ST6GALNAC3: variants seen among roughly 807,000 people sequenced by gnomAD.
ST6GALNAC3 encodes ST6 N-acetylgalactosaminide alpha-2,6-sialyltransferase 3, also known as alpha-N-acetylgalactosaminide alpha-2,6-sialyltransferase 3.
A neutral mutation model predicts 32.7 loss-of-function variants in ST6GALNAC3; 25 were observed. The ratio of observed to expected loss-of-function variants is 0.76; its 90% confidence interval spans 0.56 to 1.07. The LOEUF (loss-of-function observed/expected upper bound fraction) is 1.07. Among genes scored for constraint, ST6GALNAC3 ranks in the 50% least tolerant of loss-of-function variants. ST6GALNAC3 has a pLI of 0.00. For missense variants in ST6GALNAC3, 355 were observed against 382.4 expected (o/e 0.93, Z 0.60); for synonymous variants, 129 against 133.1 (o/e 0.97, Z 0.21).
intron 3 of ST6GALNAC3, among the ~76,000 whole-genome samples, chr1:76,417,240 A>G (rs962652730): frequency 7.3e-6 from 1 of 136,602 alleles, no homozygotes; most frequent in Non-Finnish European, 1.6e-5. Flanking sequence ...TTTTTTTTTA[A>G]TTCTAGGTTC....
intron 1 of ST6GALNAC3, among the ~76,000 whole-genome samples, chr1:76,279,691 A>G (rs867343172): frequency 2.0e-5 from 3 of 152,168 alleles, no homozygotes; most frequent in Non-Finnish European, 2.9e-5. Flanking sequence ...CATGGTAGCC[A>G]CTTCGTCAGG....
chr1:76,368,383 T>A (rs1209603872), intron 2 of ST6GALNAC3, among the ~76,000 whole-genome samples: 4 of 152,216 alleles, frequency 2.6e-5, no homozygotes, highest in Non-Finnish European at 4.4e-5. Flanking sequence ...GAAACATTCC[T>A]CCTTCATCTC....
intron 2 of ST6GALNAC3, among the ~76,000 whole-genome samples, chr1:76,363,987 T>A (rs1046024145): frequency 2.6e-5 from 4 of 152,172 alleles, no homozygotes; most frequent in Admixed American, 6.5e-5. Flanking sequence ...GGGATTACAA[T>A]TCAACATGAG....
intron 3 of ST6GALNAC3, among the ~76,000 whole-genome samples, chr1:76,558,378 G>A (rs1055779878): frequency 6.6e-6 from 1 of 152,082 alleles, no homozygotes; most frequent in African/African-American, 2.4e-5. Context: ...TAAAGAAAAT[G>A]TACATATACA....
intron 3 of ST6GALNAC3, among the ~76,000 whole-genome samples, chr1:76,561,667 G>T (rs548610879): frequency 4.6e-5 from 7 of 152,160 alleles, no homozygotes; most frequent in Non-Finnish European, 1.0e-4. Flanking sequence ...ATACACTGCT[G>T]ATAGGGAATC....
intron 3 of ST6GALNAC3, among the ~76,000 whole-genome samples, chr1:76,483,193 A>G (rs971609895): frequency 3.3e-5 from 5 of 152,152 alleles, no homozygotes; most frequent in African/African-American, 1.2e-4. Context: ...ATACGTGTGC[A>G]TGTGTCTTTA....
chr1:76,384,507 A>G (rs1234931274), intron 2 of ST6GALNAC3, among the ~76,000 whole-genome samples: 2 of 152,198 alleles, frequency 1.3e-5, no homozygotes, highest in Non-Finnish European at 2.9e-5. Flanking sequence ...GTGAAGATTT[A>G]GTAGATTTGA....
At chr1:76,166,216 T>C (rs764489760) in intron 1 of ST6GALNAC3, among the ~76,000 whole-genome samples, 1 of 152,206 alleles carries the variant, frequency 6.6e-6, no homozygotes, top group East Asian at 1.9e-4. Context: ...TTAAGTATTC[T>C]GCTTGTGGCT....
chr1:76,150,935 T>A (rs1651001844), intron 1 of ST6GALNAC3, among the ~76,000 whole-genome samples: 1 of 152,160 alleles, frequency 6.6e-6, no homozygotes, highest in African/African-American at 2.4e-5. Context: ...TGTACCATTG[T>A]TAGTAGCCAG....
intron 1 of ST6GALNAC3, among the ~76,000 whole-genome samples, chr1:76,123,348 C>T: frequency 6.8e-6 from 1 of 147,456 alleles, no homozygotes; most frequent in Non-Finnish European, 1.5e-5. Flanking sequence ...CATTGCACTC[C>T]AGCCTGGGTG....
intron 3 of ST6GALNAC3, among the ~76,000 whole-genome samples, chr1:76,532,185 TAGCTACGTA>T (rs1663301626): frequency 6.6e-6 from 1 of 152,182 alleles, no homozygotes; most frequent in Non-Finnish European, 1.5e-5. Context: ...GAAATCTTTA[TAGCTACGTA>T]GGAAACTTGA....
intron 1 of ST6GALNAC3, among the ~76,000 whole-genome samples, chr1:76,197,550 C>T (rs778812138): frequency 4.6e-5 from 7 of 152,082 alleles, no homozygotes; most frequent in South Asian, 2.1e-4. Context: ...GCTTTGAATT[C>T]GTTAGGTAAA....
At chr1:76,623,191 A>G (rs539705630) in intron 3 of ST6GALNAC3, among the ~76,000 whole-genome samples, 2 of 152,104 alleles carry the variant, frequency 1.3e-5, no homozygotes, top group African/African-American at 4.8e-5. Context: ...TATGTCTTCA[A>G]GCATGTGCTA....
intron 2 of ST6GALNAC3, among the ~76,000 whole-genome samples, chr1:76,350,042 G>A (rs1362452718): frequency 2.6e-5 from 4 of 151,914 alleles, no homozygotes; most frequent in African/African-American, 9.6e-5. Flanking sequence ...TTATAATGTC[G>A]CTTAGAAAAA....
intron 3 of ST6GALNAC3, among the ~76,000 whole-genome samples, chr1:76,557,278 C>T (rs999103483): frequency 5.3e-5 from 8 of 152,040 alleles, no homozygotes; most frequent in Non-Finnish European, 8.8e-5. Flanking sequence ...ATTACCATAA[C>T]TTTGTGGCAA....
intron 1 of ST6GALNAC3, among the ~76,000 whole-genome samples, chr1:76,125,721 C>T (rs508072): frequency 0.013 from 1,965 of 152,242 alleles, 19 homozygotes; most frequent in Non-Finnish European, 0.019. Flanking sequence ...TGTTGTTGAC[C>T]GCTTCTGGCA....
intron 1 of ST6GALNAC3, among the ~76,000 whole-genome samples, chr1:76,075,986 T>C (rs935588597): frequency 6.6e-6 from 1 of 152,218 alleles, no homozygotes; most frequent in Non-Finnish European, 1.5e-5. Flanking sequence ...GTGTCAATGA[T>C]GAAAATAAGA....
intron 2 of ST6GALNAC3, among the ~76,000 whole-genome samples, chr1:76,332,071 A>G (rs537616768): frequency 6.6e-6 from 1 of 152,328 alleles, no homozygotes; most frequent in South Asian, 2.1e-4. Context: ...AATTCTCCTT[A>G]CCCAGAGTTA....
At position 76,630,779 on chromosome 1, in the gene ST6GALNAC3, T is replaced by C; in HGVS notation, c.*1973T>C. ...GGAAGGAGTTGTTATTCTTTTGTTG[T>C]TCCCTTATGCAATTTTTAATTCTAT... On this transcript the variant is annotated 3_prime_UTR_variant, in exon 5 of 5. Transcript: ENST00000328299. 1 of 985,704 alleles carries C rather than the reference T, an allele frequency of 1.0e-6. No homozygotes were observed. Among genetic ancestry groups the C allele is most frequent in the Non-Finnish European group, 1.2e-6 (1 of 829,850 alleles). The allele number at this position is 985,704 out of a possible 1,614,324, so 61.1% of individuals were successfully genotyped here.
Sources: allele counts gnomAD v4.1 joint callset (sites outside exome capture counted in the v4.1 genomes callset), GRCh38; gene constraint gnomAD v4.1.1; transcripts MANE v1.5; gene names NCBI Gene and HGNC (gene_info 2026-07-23, HGNC 2026-07-21).